Variants in GFM2 observed in about 807,000 individuals in gnomAD.
The protein encoded by GFM2 is GTP dependent ribosome recycling factor mitochondrial 2, also known as ribosome-releasing factor 2, mitochondrial.
Under a neutral mutation model 95.4 loss-of-function variants are expected in GFM2, and 72 were observed. The observed-to-expected ratio is 0.76, with a 90% CI of 0.62 to 0.92. GFM2 has a LOEUF of 0.92. Among genes scored for constraint, GFM2 ranks in the 40% least tolerant of loss-of-function variants. The pLI is 0.00. For missense variants in GFM2, 825 were observed against 924.1 expected (o/e 0.89, Z 1.39); for synonymous variants, 276 against 317.5 (o/e 0.87, Z 1.39).
intron 17 of GFM2, among the ~76,000 whole-genome samples, chr5:74,727,827 G>A (rs900316639): frequency 6.6e-6 from 1 of 151,992 alleles, no homozygotes; most frequent in Non-Finnish European, 1.5e-5. Context: ...TATACATCGT[G>A]GAATGATAAA....
chr5:74,756,307 T>C (rs1743978913), intron 5 of GFM2, among the ~76,000 whole-genome samples: 3 of 152,078 alleles, frequency 2.0e-5, no homozygotes, highest in Admixed American at 6.5e-5. Context: ...CACATTTTCT[T>C]TGAAAATGCA....
At chr5:74,731,130 G>A (rs1019583152) in intron 16 of GFM2, among the ~76,000 whole-genome samples, 12 of 152,142 alleles carry the variant, frequency 7.9e-5, no homozygotes, top group Middle Eastern at 3.2e-3. Context: ...CTTTCTTAAC[G>A]AAAATGTAGG....
intron 14 of GFM2, 109 bp downstream of exon 14, chr5:74,738,206 TCTA>T (rs1742928008): frequency 1.3e-6 from 1 of 755,600 alleles, no homozygotes; most frequent in African/African-American, 1.8e-5. Flanking sequence ...TATTCTTTAT[TCTA>T]CTATTGATGG....
chr5:74,745,936 T>C (rs1382602076), intron 9 of GFM2, 79 bp from the exon 10 acceptor site: 12 of 1,294,190 alleles, frequency 9.3e-6, no homozygotes, highest in East Asian at 2.3e-5. Context: ...TTTCTAATTG[T>C]ACCATTTTCC....
At chr5:74,746,712 C>T (rs908116979) in intron 8 of GFM2, among the ~76,000 whole-genome samples, 13 of 152,188 alleles carry the variant, frequency 8.5e-5, no homozygotes, top group East Asian at 1.9e-4. Flanking sequence ...CAGGTCATTC[C>T]GGTCCCATTG....
At chr5:74,764,761 A>T (rs759378878) in intron 1 of GFM2, among the ~76,000 whole-genome samples, 4 of 148,840 alleles carry the variant, frequency 2.7e-5, no homozygotes, top group Non-Finnish European at 5.9e-5. Context: ...AATATATTTG[A>T]ATCTGTTCCC....
intron 5 of GFM2, among the ~76,000 whole-genome samples, chr5:74,752,885 G>A (rs1580009365): frequency 1.3e-5 from 2 of 152,122 alleles, no homozygotes; most frequent in South Asian, 2.1e-4. Context: ...GGAGCACCCC[G>A]TGAAACAAAA....
At position 74,759,297 on chromosome 5, in the gene GFM2, T is replaced by A. The variant is rs142164437; in HGVS notation, c.206+72A>T. The A allele has an allele frequency of 1.7e-3, 1,425 of 856,358 alleles. 28 individuals carry two copies. The East Asian group carries it at 0.03, about 18-fold the overall frequency. The allele number at this position is 856,358 out of a possible 1,614,324, so 53.0% of individuals were successfully genotyped here. ...GTCATAGAAATTACAGCATTCACTC[T>A]TGTCCATCAGAAAAAACCTGTAAAT... is the stretch of plus-strand genomic sequence containing the variant. On this transcript the variant is annotated intron_variant, in intron 4 of 20. Transcript: ENST00000296805.
At position 74,750,543 on chromosome 5, in the gene GFM2, T is replaced by C. The variant is rs755705289; in HGVS notation, c.519+36A>G. The C allele has an allele frequency of 2.1e-6, 3 of 1,429,972 alleles. No homozygotes were observed. The South Asian group carries it at 3.6e-5, about 17-fold the overall frequency. The allele number at this position is 1,429,972 out of a possible 1,614,324, so 88.6% of individuals were successfully genotyped here. On this transcript the variant is annotated intron_variant, in intron 7 of 20. Transcript: ENST00000296805. Reference sequence around the variant, plus strand: ...TATTCTACTTTTTAAAAAATCATGCTGTTCTAATTCCCTTTACTTTGGCAA... The same window carrying C: ...TATTCTACTTTTTAAAAAATCATGCCGTTCTAATTCCCTTTACTTTGGCAA...
At chr5:74,725,520 A>G in intron 19 of GFM2, 120 bp downstream of exon 19, 1 of 597,642 alleles carries the variant, frequency 1.7e-6, no homozygotes, top group Non-Finnish European at 3.0e-6. Flanking sequence ...CTTGTTGACC[A>G]CAAGGCTGAG....
chr5:74,753,726 G>A (rs1191893595), intron 5 of GFM2, among the ~76,000 whole-genome samples: 2 of 152,188 alleles, frequency 1.3e-5, no homozygotes, highest in Non-Finnish European at 2.9e-5. Context: ...TATGTGAAAT[G>A]AGCAAACCTA....
In GFM2 at chr5:74,751,488, C is replaced by A; in HGVS notation, c.310G>T (p.Asp104Tyr). The change falls in exon 6 of 21, where the codon GAT (aspartate) becomes TAT (tyrosine). Residue 104 changes from aspartate (D) to tyrosine (Y), a missense_variant. Physicochemically the swap from Asp to Tyr is radical, Grantham distance 160. Coordinates refer to ENST00000296805, the MANE Select transcript of GFM2 (RefSeq NM_032380.5). Reference protein sequence around the residue: ...SGYTRSLGDVDDGDTVTDFMA... With the variant: ...SGYTRSLGDVYDGDTVTDFMA... ...AAATCTGTCACTGTGTCTCCATCAT[C>A]AACATCTAGCCAGGAAAAAGATGAT... 1.2e-6 allele frequency: 2 copies of A among 1,608,424 alleles called. No individual in the cohort carries two copies. The highest frequency in any genetic ancestry group is 1.1e-5 in the South Asian group (1 of 90,894).
At chr5:74,733,256 C>T (rs1742666134) in intron 15 of GFM2, 158 bp from the exon 16 acceptor site, 1 of 538,698 alleles carries the variant, frequency 1.9e-6, no homozygotes, top group Non-Finnish European at 3.3e-6. Context: ...TTTGGGAAGC[C>T]AAGACAGAAT....
At chr5:74,733,253 A>ATT in intron 15 of GFM2, 155 bp from the exon 16 acceptor site, 2 of 562,106 alleles carry the variant, frequency 3.6e-6, no homozygotes, top group Non-Finnish European at 6.3e-6. Flanking sequence ...CACTTTGGGA[A>ATT]GCCAAGACAG....
chr5:74,752,003 A>G (rs944197030), intron 5 of GFM2, among the ~76,000 whole-genome samples: 3 of 152,180 alleles, frequency 2.0e-5, no homozygotes, highest in Non-Finnish European at 4.4e-5. Context: ...GACAATATAT[A>G]TAAAGTACCT....
At chr5:74,722,665 C>T (rs1202732256) in intron 19 of GFM2, 104 bp from the exon 20 acceptor site, 2 of 848,540 alleles carry the variant, frequency 2.4e-6, no homozygotes, top group East Asian at 5.4e-5. Context: ...TTAACTCTCT[C>T]TTTAAAGATA....
chr5:74,762,398 A>C (rs758579463), intron 2 of GFM2, among the ~76,000 whole-genome samples: 1 of 152,106 alleles, frequency 6.6e-6, no homozygotes, highest in Non-Finnish European at 1.5e-5. Flanking sequence ...TTCCATCTTA[A>C]CTGAGCTCTT....
At chr5:74,756,272 C>T (rs1416434449) in intron 5 of GFM2, among the ~76,000 whole-genome samples, 5 of 150,844 alleles carry the variant, frequency 3.3e-5, no homozygotes, top group African/African-American at 4.8e-5. Context: ...TGTGTATATA[C>T]ATACATATAC....
intron 7 of GFM2, among the ~76,000 whole-genome samples, chr5:74,748,929 AAAAAAATAAAAAATAAAAT>A (rs1177689483): frequency 7.0e-5 from 10 of 143,296 alleles, no homozygotes; most frequent in Admixed American, 1.4e-4. Context: ...AAAAAAAATA[AAAAAAATAAAAAATAAAAT>A]AAAATAAAAT....
Sources: allele counts gnomAD v4.1 joint callset (sites outside exome capture counted in the v4.1 genomes callset), GRCh38; gene constraint gnomAD v4.1.1; transcripts MANE v1.5; gene names NCBI Gene and HGNC (gene_info 2026-07-23, HGNC 2026-07-21).